PTDSS2: variants seen among roughly 807,000 people sequenced by gnomAD.
PTDSS2 encodes the protein PSS-2.
Under a neutral mutation model 64.7 loss-of-function variants are expected in PTDSS2, and 41 were observed. The observed-to-expected ratio is 0.63, with a 90% CI of 0.49 to 0.82. The LOEUF (loss-of-function observed/expected upper bound fraction) is 0.82. Among genes scored for constraint, PTDSS2 ranks in the 40% least tolerant of loss-of-function variants. The pLI, the probability that PTDSS2 is intolerant of heterozygous loss-of-function variation, is 0.00. For missense variants in PTDSS2, 485 were observed against 650.0 expected (o/e 0.75, Z 2.76); for synonymous variants, 297 against 277.8 (o/e 1.07, Z -0.69).
rs1846956905 is a variant in PTDSS2, at chr11:462,879, A to G, written c.284+2591A>G. The G allele has an allele frequency of 6.6e-6, 1 of 152,246 alleles. No individual in the cohort carries two copies. The highest frequency in any genetic ancestry group is 6.5e-5 in the Admixed American group (1 of 15,292). The allele number at this position is 152,246 out of a possible 1,614,324, so 9.4% of individuals were successfully genotyped here. ...GGGTAGATTTTCTTATATAGAAAAT[A>G]CCTTCTAGGCCAGGCGCGGTGGCTC... On this transcript the variant is annotated intron_variant, in intron 2 of 11. Coordinates refer to ENST00000308020, the MANE Select transcript of PTDSS2 (RefSeq NM_030783.3). The surrounding 1 kb of genome is among the most constrained non-coding windows in gnomAD (Gnocchi z 4.5).
rs375041205 is a variant in PTDSS2 at position 489,522 on chromosome 11, C to A, written c.969+8C>A. 6.2e-7 allele frequency: 1 copy of A among 1,611,828 alleles called. No individual in the cohort carries two copies. Among genetic ancestry groups the A allele is most frequent in the Non-Finnish European group, 8.5e-7 (1 of 1,178,854 alleles). ...TGCGGCATCATCCTGGTGGTAAGGC[C>A]GGGCTGCCTCGCGACGGCGCGGCGG... On this transcript the variant is annotated splice_region_variant and intron_variant, in intron 9 of 11. Coordinates refer to ENST00000308020, the MANE Select transcript of PTDSS2 (RefSeq NM_030783.3).
intron 3 of PTDSS2, among the ~76,000 whole-genome samples, chr11:477,909 C>T (rs1847884977): frequency 6.6e-6 from 1 of 152,244 alleles, no homozygotes; most frequent in African/African-American, 2.4e-5. Flanking sequence ...GGTCCCAGAC[C>T]TCCCTGTGCA....
intron 4 of PTDSS2, among the ~76,000 whole-genome samples, chr11:483,892 G>A (rs1478577986): frequency 1.3e-5 from 2 of 152,200 alleles, no homozygotes; most frequent in African/African-American, 4.8e-5. Flanking sequence ...CCCTGGCGCT[G>A]TGGACCTTGA....
chr11:480,037 C>T (rs1446640761), intron 4 of PTDSS2: 4 of 152,538 alleles, frequency 2.6e-5, no homozygotes, highest in Non-Finnish European at 4.4e-5. Flanking sequence ...ATTCCACTGG[C>T]CCTAAAACTC....
intron 4 of PTDSS2, among the ~76,000 whole-genome samples, chr11:485,766 C>T (rs1246840188): frequency 7.6e-6 from 1 of 131,248 alleles, no homozygotes; most frequent in Admixed American, 7.5e-5. Context: ...AAACAGTGCA[C>T]GGGCGCGCGT....
chr11:449,920 C>T (rs2133740482), upstream of PTDSS2, among the ~76,000 whole-genome samples: 1 of 152,332 alleles, frequency 6.6e-6, no homozygotes, highest in East Asian at 1.9e-4. Context: ...TGCACTCCAG[C>T]TCGGGCGGCA....
intron 10 of PTDSS2, 33 bp downstream of exon 10, chr11:489,766 CCCGGGGGGCAGGGG>C: frequency 3.1e-6 from 5 of 1,596,458 alleles, no homozygotes; most frequent in Non-Finnish European, 3.4e-6. Flanking sequence ...TGGAGACACC[CCCGGGGGGCAGGGG>C]CCGGAGGGCT....
rs1202351343 is a variant in PTDSS2 at position 479,367 on chromosome 11, G to A, written c.435+215G>A. 3 of 607,756 alleles carry A rather than the reference G, an allele frequency of 4.9e-6. No individual in the cohort carries two copies. The highest frequency in any genetic ancestry group is 5.7e-5 in the Admixed American group (2 of 34,918). 37.6% of individuals were successfully genotyped at this position (607,756 alleles called of 1,614,324 possible). On this transcript the variant is annotated intron_variant, in intron 4 of 11. Transcript: ENST00000308020. The surrounding 1 kb of genome is among the most constrained non-coding windows in gnomAD (Gnocchi z 4.2). Reference sequence around the variant, plus strand: ...AGCAAAGCTAGACCTTCAAAACGTAGGCCGAGCTGCGGGGGGCCTCCAGGA... The same window carrying A: ...AGCAAAGCTAGACCTTCAAAACGTAAGCCGAGCTGCGGGGGGCCTCCAGGA...
intron 2 of PTDSS2, among the ~76,000 whole-genome samples, chr11:466,802 C>A (rs1590633411): frequency 6.6e-6 from 1 of 152,162 alleles, no homozygotes; most frequent in Non-Finnish European, 1.5e-5. Flanking sequence ...CAGTCACTTC[C>A]CTCCCTCCAC....
rs140766233 is a variant in PTDSS2 at position 468,003 on chromosome 11, G to GCA, written c.285-5883_285-5882dup. Among the ~76,000 whole-genome samples the GCA allele has an allele frequency of 8.0e-3, 1,220 of 152,124 alleles. 21 individuals are homozygous for GCA. The highest frequency in any genetic ancestry group is 0.028 in the African/African-American group (1,169 of 41,486). On this transcript the variant is annotated intron_variant, in intron 2 of 11. Transcript: ENST00000308020. ...CTAAAAAACTTAGCCGAGTGTCACA[G>GCA]CACACACACATGGTCCCACCTGTCA... is the stretch of plus-strand genomic sequence containing the variant.
chr11:480,495 C>G (rs1848022317), intron 4 of PTDSS2: 1 of 157,712 alleles, frequency 6.3e-6, no homozygotes. Flanking sequence ...GCAGCCTCTT[C>G]CCGCCCTGCA....
At chr11:453,297 G>A (rs1358055434) in intron 1 of PTDSS2, among the ~76,000 whole-genome samples, 1 of 152,174 alleles carries the variant, frequency 6.6e-6, no homozygotes, top group East Asian at 1.9e-4. Context: ...GGCAGCTCAT[G>A]CGGTCTGGAA....
chr11:466,557 G>A (rs924825766), intron 2 of PTDSS2, among the ~76,000 whole-genome samples: 2 of 151,916 alleles, frequency 1.3e-5, no homozygotes, highest in South Asian at 2.1e-4. Flanking sequence ...ACAGGCATGC[G>A]CCACCTCGCC....
rs1165867955 is a variant in PTDSS2 at position 473,791 on chromosome 11, C to G, written c.285-104C>G. 6.7e-6 allele frequency: 6 copies of G among 896,868 alleles called. No individual in the cohort carries two copies. In the East Asian group the frequency reaches 1.4e-4, roughly 22 times the overall value. The allele number at this position is 896,868 out of a possible 1,614,324, so 55.6% of individuals were successfully genotyped here. ...AGGCCCCTTCCTCCCGCCCCAGCAT[C>G]AGGGGCTGTTCCACAATGGGTGTCT... is the stretch of plus-strand genomic sequence containing the variant. On this transcript the variant is annotated intron_variant, in intron 2 of 11. Coordinates refer to ENST00000308020, the MANE Select transcript of PTDSS2 (RefSeq NM_030783.3).
chr11:474,103 C>T (rs1056915683), intron 3 of PTDSS2, 126 bp downstream of exon 3: 31 of 799,756 alleles, frequency 3.9e-5, no homozygotes, highest in Middle Eastern at 2.3e-4. Context: ...CCGAGGCCTC[C>T]GAGGCCACTT....
chr11:486,979 C>T lies in PTDSS2; in HGVS notation c.476C>T (p.Pro159Leu), dbSNP rs746772845. The change falls in exon 5 of 12, where the codon CCC becomes CTC. Residue 159 changes from proline to leucine, a missense_variant. Transcript: ENST00000308020. ...DGRQFLKYVD[P>L]KLGVPLPERD... Reference sequence around the variant, plus strand: ...CGGCAGTTTCTAAAGTATGTTGACCCCAAGCTGGGAGTCCCACTGCCAGAG... The same window carrying T: ...CGGCAGTTTCTAAAGTATGTTGACCTCAAGCTGGGAGTCCCACTGCCAGAG... The T allele has an allele frequency of 6.2e-7, 1 of 1,613,308 alleles. No individual in the cohort carries two copies. Among genetic ancestry groups the T allele is most frequent in the Non-Finnish European group, 8.5e-7 (1 of 1,179,912 alleles).
intron 1 of PTDSS2, chr11:451,420 C>G: frequency 2.2e-6 from 1 of 447,922 alleles, no homozygotes; most frequent in South Asian, 1.6e-5. Flanking sequence ...CGATGCTCCT[C>G]TGTGAGAAGG....
At chr11:456,901 C>T (rs1320976597) in intron 1 of PTDSS2, among the ~76,000 whole-genome samples, 1 of 152,188 alleles carries the variant, frequency 6.6e-6, no homozygotes, top group Non-Finnish European at 1.5e-5. Flanking sequence ...GGTTGATAGT[C>T]ACAATGAAAC....
In PTDSS2 at chr11:462,611, G is replaced by C. The variant is rs1402930956; in HGVS notation, c.284+2323G>C. ...CCCTGGCACTGACCGTGGCTCTGTG[G>C]CTCCTTCCAGTGAAATTGCCGTGGT... is the stretch of plus-strand genomic sequence containing the variant. On this transcript the variant is annotated intron_variant, in intron 2 of 11. Transcript: ENST00000308020. This position sits in a 1 kb window ranked among gnomAD's most constrained non-coding sequence, Gnocchi z 4.5. Among the ~76,000 whole-genome samples the C allele has an allele frequency of 3.3e-5, 5 of 152,166 alleles. No individual in the cohort carries two copies. The East Asian group carries it at 7.7e-4, about 24-fold the overall frequency.
Sources: gnomAD v4.1 joint callset for allele counts (sites outside exome capture counted in the v4.1 genomes callset) on GRCh38, gnomAD v4.1.1 for gene constraint, Gnocchi (gnomAD v3.1) non-coding constraint, MANE v1.5 for transcripts, NCBI Gene and HGNC (gene_info 2026-07-23, HGNC 2026-07-21) for gene names.